DSTYK: variants seen among roughly 807,000 people sequenced by gnomAD.
DSTYK encodes dual serine/threonine and tyrosine protein kinase, also known as RIP-homologous kinase.
A neutral mutation model predicts 98.7 loss-of-function variants in DSTYK; 34 were observed. The observed-to-expected ratio is 0.34, with a 90% CI of 0.26 to 0.46. The LOEUF (loss-of-function observed/expected upper bound fraction) is 0.46. Ranked by LOEUF, DSTYK falls within the 20% of genes least tolerant of loss-of-function variation. The pLI, the probability that DSTYK is intolerant of heterozygous loss-of-function variation, is 1.00. For missense variants in DSTYK, 962 were observed against 1,181.7 expected, an observed-to-expected ratio of 0.81 and a Z score of 2.73; for synonymous variants, 462 against 457.3, an observed-to-expected ratio of 1.01 and a Z score of -0.13.
intron 3 of DSTYK, among the ~76,000 whole-genome samples, chr1:205,166,734 G>A (rs1034751336): frequency 1.1e-4 from 17 of 152,182 alleles, no homozygotes; most frequent in Admixed American, 9.8e-4. Flanking sequence ...CTCTCGCAGT[G>A]GGGAATTAAC....
chr1:205,183,242 T>C (rs949640502), intron 2 of DSTYK, among the ~76,000 whole-genome samples: 4 of 152,150 alleles, frequency 2.6e-5, no homozygotes, highest in Non-Finnish European at 5.9e-5. Context: ...TACTTTTGTA[T>C]ACAAAGACAC....
chr1:205,181,413 G>C (rs2102437443), intron 2 of DSTYK, among the ~76,000 whole-genome samples: 1 of 152,200 alleles, frequency 6.6e-6, no homozygotes, highest in African/African-American at 2.4e-5. Context: ...GGAGTGCAGT[G>C]GCATGATCTC....
intron 1 of DSTYK, among the ~76,000 whole-genome samples, chr1:205,200,303 G>A (rs1658990048): frequency 6.6e-6 from 1 of 152,078 alleles, no homozygotes; most frequent in Non-Finnish European, 1.5e-5. Flanking sequence ...CTCCCAAAGT[G>A]CTGGGATTAT....
intron 4 of DSTYK, among the ~76,000 whole-genome samples, chr1:205,163,215 T>A (rs544234009): frequency 1.4e-4 from 15 of 106,398 alleles, no homozygotes; most frequent in East Asian, 1.2e-3. Context: ...CAACTTATTT[T>A]TTTATTTTTT....
At chr1:205,200,516 C>T (rs1295508786) in intron 1 of DSTYK, among the ~76,000 whole-genome samples, 2 of 152,094 alleles carry the variant, frequency 1.3e-5, no homozygotes, top group African/African-American at 2.4e-5. Context: ...TTACAATTTT[C>T]CATATGCCCT....
intron 2 of DSTYK, among the ~76,000 whole-genome samples, chr1:205,172,663 C>T (rs573020019): frequency 6.6e-6 from 1 of 152,242 alleles, no homozygotes; most frequent in South Asian, 2.1e-4. Flanking sequence ...AAATATCTCA[C>T]TTTCTTTTCT....
intron 2 of DSTYK, among the ~76,000 whole-genome samples, chr1:205,180,592 G>A (rs1319550605): frequency 1.3e-5 from 2 of 152,166 alleles, no homozygotes; most frequent in Non-Finnish European, 2.9e-5. Flanking sequence ...AGCCTCCTGA[G>A]TAGCTGGGAC....
Position 205,211,332 on chromosome 1 carries a change from C to A in DSTYK, c.204G>T (p.Thr68=). ...GGCCGCGCTCGGCCCCGCCGCCGCC[C>A]GTGAGGGAGGAGAGACAAGTGTGGT... ...SHNHTCLSSL[T]GGGGAERGPA... Residue 68 remains threonine, a synonymous_variant, in exon 1 of 13, where the codon ACG becomes ACT. Transcript: ENST00000367162. 6.2e-7 allele frequency: 1 copy of A among 1,611,436 alleles called. No homozygotes were observed. Among genetic ancestry groups the A allele is most frequent in the Non-Finnish European group, 8.5e-7 (1 of 1,179,026 alleles).
At position 205,143,783 on chromosome 1, in the gene DSTYK, T is replaced by G. The variant is rs3795556; in HGVS notation, c.*3775A>C. On this transcript the variant is annotated 3_prime_UTR_variant, in exon 13 of 13. Transcript: ENST00000367162. ...CTCAAGCAAAGACACAAGAATGCATTTGAGAGCTGACAGGTACTAGTCGAG... is the reference window on the plus strand; with the variant it reads ...CTCAAGCAAAGACACAAGAATGCATGTGAGAGCTGACAGGTACTAGTCGAG... 1.3e-5 allele frequency: 2 copies of G among 152,304 alleles called. No homozygotes were observed. The highest frequency in any genetic ancestry group is 3.9e-4 in the East Asian group (2 of 5,150). 9.4% of individuals were successfully genotyped at this position (152,304 alleles called of 1,614,324 possible). A position where few individuals can be genotyped will look rare whatever the true frequency, so the allele number is the denominator to read the frequency against.
At chr1:205,167,964 G>A (rs1389416838) in intron 3 of DSTYK, among the ~76,000 whole-genome samples, 1 of 152,136 alleles carries the variant, frequency 6.6e-6, no homozygotes, top group African/African-American at 2.4e-5. Flanking sequence ...AATTTAGCCG[G>A]GAACGGTGGC....
intron 1 of DSTYK, among the ~76,000 whole-genome samples, chr1:205,210,725 A>T (rs2102493887): frequency 6.6e-6 from 1 of 152,220 alleles, no homozygotes; most frequent in Admixed American, 6.5e-5. Context: ...GGCGACCCCC[A>T]ACCCTATTTA....
intron 2 of DSTYK, among the ~76,000 whole-genome samples, chr1:205,183,080 GCACACACA>G (rs35209324): frequency 1.1e-5 from 1 of 88,764 alleles, no homozygotes; most frequent in African/African-American, 3.3e-5. Flanking sequence ...AAAAAAAAAA[GCACACACA>G]CACACACACA....
intron 1 of DSTYK, 74 bp downstream of exon 1, chr1:205,211,197 T>C (rs1659363481): frequency 6.7e-7 from 1 of 1,497,020 alleles, no homozygotes. Context: ...CGGGCTTGTT[T>C]TGCAGGGCAG....
intron 1 of DSTYK, among the ~76,000 whole-genome samples, chr1:205,196,344 C>G (rs1438586324): frequency 6.6e-6 from 1 of 151,898 alleles, no homozygotes; most frequent in Non-Finnish European, 1.5e-5. Context: ...ATCGCTTGAG[C>G]CTAGAAGTTC....
chr1:205,171,307 C>T (rs1658055704), intron 2 of DSTYK, among the ~76,000 whole-genome samples: 1 of 151,734 alleles, frequency 6.6e-6, no homozygotes, highest in Non-Finnish European at 1.5e-5. Context: ...AAAAATTATC[C>T]GGGTGTGGTG....
chr1:205,147,828 T>A, intron 12 of DSTYK, 83 bp from the exon 13 acceptor site: 1 of 1,410,846 alleles, frequency 7.1e-7, no homozygotes, highest in Non-Finnish European at 9.8e-7. Flanking sequence ...AAGGCTGACT[T>A]CCCAGTGGGG....
chr1:205,156,995 T>C (rs990706175), intron 10 of DSTYK, among the ~76,000 whole-genome samples: 1 of 152,200 alleles, frequency 6.6e-6, no homozygotes, highest in Non-Finnish European at 1.5e-5. Flanking sequence ...GTACTTCTCC[T>C]TGCTGCTGCC....
chr1:205,191,769 C>T (rs568720117), intron 1 of DSTYK, among the ~76,000 whole-genome samples: 14 of 152,186 alleles, frequency 9.2e-5, no homozygotes, highest in Non-Finnish European at 1.5e-4. Context: ...AAGCTGTAGA[C>T]TGACAGTAGG....
chr1:205,148,425 C>A, intron 11 of DSTYK, 86 bp from the exon 12 acceptor site: 1 of 1,549,848 alleles, frequency 6.5e-7, no homozygotes, highest in South Asian at 1.2e-5. Flanking sequence ...AGAGGGTTGG[C>A]TTTTTCCAAA....
Sources: allele counts gnomAD v4.1 joint callset (sites outside exome capture counted in the v4.1 genomes callset), GRCh38; gene constraint gnomAD v4.1.1; transcripts MANE v1.5; gene names NCBI Gene and HGNC (gene_info 2026-07-23, HGNC 2026-07-21).